Variants in EMILIN3 observed in about 807,000 individuals in gnomAD.
EMILIN3 encodes the protein elastin microfibril interfacer 3.
EMILIN3 carries 38 observed loss-of-function variants against 42.8 expected under a neutral mutation model. The ratio of observed to expected loss-of-function variants is 0.89; its 90% CI spans 0.69 to 1.16. The LOEUF is 1.16. EMILIN3 is among the 50% of genes most tolerant of loss of function. The pLI is 0.00. For synonymous variants in EMILIN3, 430 were observed against 440.5 expected (o/e 0.98, Z 0.30); for missense variants, 924 against 999.5 (o/e 0.92, Z 1.02).
At chr20:41,363,220 A>C (rs2046376253) in intron 3 of EMILIN3, among the ~76,000 whole-genome samples, 166 bp from the exon 4 acceptor site, 1 of 150,934 alleles carries the variant, frequency 6.6e-6, no homozygotes, top group Non-Finnish European at 1.5e-5. Context: ...GGCTCACTGC[A>C]AGCTCCGCCT....
In EMILIN3 at chr20:41,366,220, T is replaced by C. The variant is rs2046392911; in HGVS notation, c.167+248A>G. On this transcript the variant is annotated intron_variant, in intron 1 of 3. Coordinates refer to ENST00000332312, the MANE Select transcript of EMILIN3 (RefSeq NM_052846.2). This position sits in a 1 kb window ranked among gnomAD's most constrained non-coding sequence, Gnocchi z 4.2. ...GTTACTTCGCTGGAAAGGTTTCCGC[T>C]GGCACTGCCAGGATCCCAAGCCGCC... 6.6e-6 allele frequency among the ~76,000 whole-genome samples: 1 copy of C among 152,160 alleles called. No individual in the cohort carries two copies. The highest frequency in any genetic ancestry group is 2.4e-5 in the African/African-American group (1 of 41,454).
chr20:41,366,717 G>C lies in EMILIN3; in HGVS notation c.-83C>G, dbSNP rs1397982361. 3.3e-6 allele frequency: 3 copies of C among 903,524 alleles called. No individual in the cohort carries two copies. The Admixed American group carries it at 1.9e-4, about 57-fold the overall frequency. The allele number at this position is 903,524 out of a possible 1,614,324, so 56.0% of individuals were successfully genotyped here. On this transcript the variant is annotated 5_prime_UTR_variant, in exon 1 of 4. Coordinates refer to ENST00000332312, the MANE Select transcript of EMILIN3 (RefSeq NM_052846.2). The surrounding 1 kb of genome is among the most constrained non-coding windows in gnomAD (Gnocchi z 4.2). ...GCAGCGCCGCGCCGCCCCCGCCGCT[G>C]GTCGGCCCGGGTCCCGCCCCGAGGG...
At position 41,363,831 on chromosome 20, in the gene EMILIN3, C is replaced by T. The variant is rs751259770; in HGVS notation, c.321G>A (p.Lys107=). ...TYRTVLRPKY[K]VGYKTVTDLA... The stretch of plus-strand genomic sequence containing the variant: ...GGTCTGTCACTGTCTTGTAGCCAAC[C>T]TTGTATTTGGGTCTGAGTACTGTGC... Residue 107 remains lysine (K), a synonymous_variant, in exon 3 of 4, where the codon AAG becomes AAA. Coordinates refer to ENST00000332312, the MANE Select transcript of EMILIN3 (RefSeq NM_052846.2). 1 of 1,614,020 alleles carries T rather than the reference C, an allele frequency of 6.2e-7. No homozygotes were observed.
rs908099749 is a variant in EMILIN3, at chr20:41,366,559, G to T, written c.76C>A (p.Pro26Thr). Residue 26 changes from proline (P) to threonine (T), a missense_variant, in exon 1 of 4, where the codon CCG becomes ACG. Transcript: ENST00000332312. This position sits in a 1 kb window ranked among gnomAD's most constrained non-coding sequence, Gnocchi z 4.2. ...GGCGGCGCAGGCCGCGCCAGGAGCG[G>T]GGTGCCCCTGGCCTGCGCCCCCGAG... ...LLSGAQARGT[P>T]LLARPAPPGA... 3.5e-6 allele frequency: 4 copies of T among 1,139,732 alleles called. No individual in the cohort carries two copies. Among genetic ancestry groups the T allele is most frequent in the Non-Finnish European group, 4.3e-6 (4 of 931,204 alleles). 70.6% of individuals were successfully genotyped at this position (1,139,732 alleles called of 1,614,324 possible). A position where few individuals can be genotyped will look rare whatever the true frequency, so the allele number is the denominator to read the frequency against.
rs1373893258 is a variant in EMILIN3, at chr20:41,361,448, G to A, written c.2121C>T (p.Ala707=). The change falls in exon 4 of 4, where the codon GCC becomes GCT. Residue 707 remains alanine, a synonymous_variant. Coordinates refer to ENST00000332312, the MANE Select transcript of EMILIN3 (RefSeq NM_052846.2). ...CAGTGGGCAAGCTGTCCAGGCCCGC[G>A]GCCAGCAGGCCCAGCCTCCTGCACG... ...EGACRRLGLL[A]AGLDSLPTEP... 9.3e-6 allele frequency: 15 copies of A among 1,605,986 alleles called. No individual in the cohort carries two copies. Among genetic ancestry groups the A allele is most frequent in the Middle Eastern group, 1.7e-4 (1 of 6,014 alleles).
In EMILIN3 at chr20:41,362,471, C is replaced by T. The variant is rs377338341; in HGVS notation, c.1098G>A (p.Leu366=). 1 of 1,599,454 alleles carries T rather than the reference C, an allele frequency of 6.3e-7. No individual in the cohort carries two copies. Among genetic ancestry groups the T allele is most frequent in the African/African-American group, 1.3e-5 (1 of 74,944 alleles). ...DGRELALRQE[L]SQLGSQLQGL... is the part of the protein sequence containing the mutation. ...CCTGCAGCTGGCTGCCCAGCTGTGA[C>T]AGCTCCTGGCGCAGGGCCAGCTCCC... is the stretch of plus-strand genomic sequence containing the variant. Residue 366 remains leucine (L), a synonymous_variant, in exon 4 of 4, where the codon CTG becomes CTA. Coordinates refer to ENST00000332312, the MANE Select transcript of EMILIN3 (RefSeq NM_052846.2).
At position 41,362,876 on chromosome 20, in the gene EMILIN3, C is replaced by T. The variant is rs2046373410; in HGVS notation, c.693G>A (p.Glu231=). 1 of 1,613,688 alleles carries T rather than the reference C, an allele frequency of 6.2e-7. No individual in the cohort carries two copies. Among genetic ancestry groups the T allele is most frequent in the African/African-American group, 1.3e-5 (1 of 74,942 alleles). ...CTCTGTCTCCTGGGCCCACAAGCCC[C>T]TCAGGGATGACCCCAAAGCCCACAG... ...AVPVGFGVIP[E]GLVGPGDRAR... Residue 231 remains glutamate (E), a synonymous_variant, in exon 4 of 4, where the codon GAG becomes GAA. Coordinates refer to ENST00000332312, the MANE Select transcript of EMILIN3 (RefSeq NM_052846.2).
At position 41,362,225 on chromosome 20, in the gene EMILIN3, T is replaced by A. The variant is rs2046366798; in HGVS notation, c.1344A>T (p.Gly448=). 2 of 1,610,032 alleles carry A rather than the reference T, an allele frequency of 1.2e-6. No homozygotes were observed. Among genetic ancestry groups the A allele is most frequent in the Non-Finnish European group, 1.7e-6 (2 of 1,178,854 alleles). The change falls in exon 4 of 4, where the codon GGA becomes GGT. Residue 448 remains glycine (G), a synonymous_variant. Transcript: ENST00000332312. ...GLETLNGTEG[G]ARGCCLRLDM... is the part of the protein sequence containing the mutation. ...CCAACCTCAGACAGCATCCCCTTGC[T>A]CCACCCTCTGTCCCATTGAGCGTCT...
chr20:41,365,248 G>C, intron 1 of EMILIN3, 91 bp from the exon 2 acceptor site: 1 of 1,526,632 alleles, frequency 6.6e-7, no homozygotes, highest in Non-Finnish European at 8.8e-7. Flanking sequence ...GGCCTCAGCA[G>C]GACTCCAAAC....
Position 41,362,375 on chromosome 20 carries a change from A to G in EMILIN3, c.1194T>C (p.Leu398=). The change falls in exon 4 of 4, where the codon CTT becomes CTC. Residue 398 remains leucine, a synonymous_variant. Coordinates refer to ENST00000332312, the MANE Select transcript of EMILIN3 (RefSeq NM_052846.2). ...LALINARMDG[L]ERALQAVTET... ...CGGTGACTGCCTGCAGGGCCCTCTC[A>G]AGGCCATCCATACGGGCATTGATCA... The G allele has an allele frequency of 6.2e-7, 1 of 1,606,098 alleles. No homozygotes were observed. Among genetic ancestry groups the G allele is most frequent in the Non-Finnish European group, 8.5e-7 (1 of 1,179,916 alleles).
rs766141557 is a variant in EMILIN3 at position 41,362,082 on chromosome 20, C to G, written c.1487G>C (p.Gly496Ala). The G allele has an allele frequency of 4.4e-6, 7 of 1,607,060 alleles. No homozygotes were observed. The highest frequency in any genetic ancestry group is 5.1e-6 in the Non-Finnish European group (6 of 1,174,550). The change falls in exon 4 of 4, where the codon GGC becomes GCC. Residue 496 changes from glycine (G) to alanine (A), a missense_variant. Transcript: ENST00000332312. The part of the protein sequence containing the change: ...GELSHDSASP[G>A]RSARPLVQTE... The stretch of plus-strand genomic sequence containing the variant: ...CTGTACAAGGGGCCGAGCTGACCTG[C>G]CCGGAGAGGCGCTGTCATGGCTTAG...
chr20:41,361,901 T>C lies in EMILIN3; in HGVS notation c.1668A>G (p.Ala556=). The change falls in exon 4 of 4, where the codon GCA becomes GCG. Residue 556 remains alanine (A), a synonymous_variant. Coordinates refer to ENST00000332312, the MANE Select transcript of EMILIN3 (RefSeq NM_052846.2). ...CAGTGCCATTGAGCTGCTGGAGCAG[T>C]GCTGCGTGGCTGGCCACCTGGCGTA... ...ALLRQVASHA[A]LLQQLNGTVA... is the part of the protein sequence containing the mutation. 1 of 1,613,528 alleles carries C rather than the reference T, an allele frequency of 6.2e-7. No homozygotes were observed.
Position 41,365,873 on chromosome 20 carries a change from CA to C in EMILIN3, c.167+594del, listed in dbSNP as rs201201100. On this transcript the variant is annotated intron_variant, in intron 1 of 3. Coordinates refer to ENST00000332312, the MANE Select transcript of EMILIN3 (RefSeq NM_052846.2). ...GGAAAGCAGGCTCCTTGATGAGCCACAAGGGCTGAGGAGGTGGCTGCCTGGC... is the reference window on the plus strand; with the variant it reads ...GGAAAGCAGGCTCCTTGATGAGCCACAGGGCTGAGGAGGTGGCTGCCTGGC... Among the ~76,000 whole-genome samples, 1,170 of 152,322 alleles carry C rather than the reference CA, an allele frequency of 7.7e-3. 11 individuals carry two copies. The highest frequency in any genetic ancestry group is 0.027 in the African/African-American group (1,105 of 41,586).
Position 41,365,102 on chromosome 20 carries a change from C to T in EMILIN3, c.223G>A (p.Ala75Thr), listed in dbSNP as rs199805561. Residue 75 changes from alanine (A) to threonine (T), a missense_variant, in exon 2 of 4, where the codon GCG becomes ACG. Coordinates refer to ENST00000332312, the MANE Select transcript of EMILIN3 (RefSeq NM_052846.2). ...RNVTCILQEG[A>T]ESYVKAEYRQ... ...TATTCAGCCTTTACGTAGCTCTCCG[C>T]TCCCTCCTGTAGGATGCAGGTCACA... The T allele has an allele frequency of 2.5e-6, 4 of 1,614,118 alleles. No individual in the cohort carries two copies. The South Asian group carries it at 3.3e-5, about 13-fold the overall frequency.
At position 41,361,629 on chromosome 20, in the gene EMILIN3, C is replaced by T. The variant is rs999212581; in HGVS notation, c.1940G>A (p.Gly647Asp). The change falls in exon 4 of 4, where the codon GGC becomes GAC. Residue 647 changes from glycine (G) to aspartate (D), a missense_variant. Physicochemically the swap from Gly to Asp is moderately conservative, Grantham distance 94 (BLOSUM62 -1). Transcript: ENST00000332312. ...ACGCAGGTTCAGGACCTGCCTGTGG[C>T]CAGCCTGAAGCCTGGAGCCTTGGCT... ...VSSQGSRLQAGHRQVLNLRGE... is the reference protein window; with the variant it reads ...VSSQGSRLQADHRQVLNLRGE... 1 of 1,608,788 alleles carries T rather than the reference C, an allele frequency of 6.2e-7. No homozygotes were observed. The highest frequency in any genetic ancestry group is 1.7e-5 in the Admixed American group (1 of 59,906).
In EMILIN3 at chr20:41,362,178, C is replaced by T; in HGVS notation, c.1391G>A (p.Gly464Asp). Residue 464 changes from glycine (G) to aspartate (D), a missense_variant, in exon 4 of 4, where the codon GGC (glycine) becomes GAC (aspartate). Gly to Asp is a moderately conservative substitution (Grantham distance 94). Coordinates refer to ENST00000332312, the MANE Select transcript of EMILIN3 (RefSeq NM_052846.2). ...CTCTTCCAGCATGGTCCCAAAGCCG[C>T]CCACTCCCCACCCCCCCATGTCCAA... is the stretch of plus-strand genomic sequence containing the variant. ...LRLDMGGWGV[G>D]GFGTMLEERV... The T allele has an allele frequency of 6.2e-7, 1 of 1,613,050 alleles. No individual in the cohort carries two copies. Among genetic ancestry groups the T allele is most frequent in the Non-Finnish European group, 8.5e-7 (1 of 1,179,598 alleles).
chr20:41,362,479 G>A lies in EMILIN3; in HGVS notation c.1090C>T (p.Gln364Ter). The part of the protein sequence containing the change: ...SLDGRELALR[Q>*]ELSQLGSQLQ... ...TGGCTGCCCAGCTGTGACAGCTCCT[G>A]GCGCAGGGCCAGCTCCCGGCCATCA... is the stretch of plus-strand genomic sequence containing the variant. The change falls in exon 4 of 4, where the codon CAG becomes TAG. Residue 364 changes from glutamine to a stop codon, truncating the protein, a stop_gained. Coordinates refer to ENST00000332312, the MANE Select transcript of EMILIN3 (RefSeq NM_052846.2). LOFTEE classifies it high-confidence loss of function. 1.3e-6 allele frequency: 2 copies of A among 1,599,498 alleles called. No individual in the cohort carries two copies. The highest frequency in any genetic ancestry group is 1.7e-6 in the Non-Finnish European group (2 of 1,179,476).
chr20:41,361,345 T>C lies in EMILIN3; in HGVS notation c.2224A>G (p.Ile742Val), dbSNP rs1224488199. Residue 742 changes from isoleucine (I) to valine (V), a missense_variant, in exon 4 of 4, where the codon ATT (isoleucine) becomes GTT (valine). Physicochemically the swap from Ile to Val is conservative, Grantham distance 29. Transcript: ENST00000332312. ...NRTLAQHTQD[I>V]ARLRDDLLDC... is the part of the protein sequence containing the mutation. ...AGTAGGTCATCCCGGAGGCGGGCAA[T>C]GTCCTGCGTGTGCTGGGCCAGCGTA... 7.4e-6 allele frequency: 12 copies of C among 1,612,322 alleles called. No homozygotes were observed. Among genetic ancestry groups the C allele is most frequent in the South Asian group, 1.1e-5 (1 of 91,008 alleles).
intron 1 of EMILIN3, among the ~76,000 whole-genome samples, chr20:41,365,472 C>T (rs569157292): frequency 6.6e-6 from 1 of 150,944 alleles, no homozygotes; most frequent in Non-Finnish European, 1.5e-5. Flanking sequence ...CACACCCCCC[C>T]ATCCTTCGCT....
Sources: allele counts gnomAD v4.1 joint callset (sites outside exome capture counted in the v4.1 genomes callset), GRCh38; gene constraint gnomAD v4.1.1; non-coding constraint Gnocchi (gnomAD v3.1); transcripts MANE v1.5; gene names NCBI Gene and HGNC (gene_info 2026-07-23, HGNC 2026-07-21).